The following AHDC1 variants were observed in gnomAD, a reference collection of about 807,000 sequenced individuals.
AHDC1 encodes the protein AT-hook DNA binding motif containing 1, also known as transcription factor Gibbin.
A neutral mutation model predicts 87.9 loss-of-function variants in AHDC1; 7 were observed. That is an observed-to-expected ratio of 0.08 (90% confidence interval 0.05 to 0.15). The LOEUF is 0.15. AHDC1 is among the 10% of genes least tolerant of loss of function. AHDC1 has a pLI of 1.00. For synonymous variants in AHDC1, 1,051 were observed against 1,006.8 expected, an observed-to-expected ratio of 1.04 and a Z score of -0.83; for missense variants, 1,841 against 2,253.2, an observed-to-expected ratio of 0.82 and a Z score of 3.70.
intron 3 of AHDC1, among the ~76,000 whole-genome samples, chr1:27,578,822 G>A (rs573430071): frequency 9.3e-5 from 14 of 151,150 alleles, no homozygotes; most frequent in African/African-American, 2.4e-4. Context: ...TCAGACTCCC[G>A]AGTAGCTGGG....
At chr1:27,552,337 G>A in intron 7 of AHDC1, 148 bp from the exon 8 acceptor site, 1 of 681,190 alleles carries the variant, frequency 1.5e-6, no homozygotes, top group Non-Finnish European at 2.1e-6. Flanking sequence ...CCATCCCCTT[G>A]CTGACTCCCA....
rs767940469 is a variant in AHDC1 at position 27,551,435 on chromosome 1, T to C, written c.681A>G (p.Pro227=). Residue 227 remains proline (P), a synonymous_variant, in exon 8 of 9, where the codon CCA becomes CCG. Coordinates refer to ENST00000673934, the MANE Select transcript of AHDC1 (RefSeq NM_001371928.1). Reference sequence around the variant, plus strand: ...AATCAGTGCTGTCTGGCTCAGGCTCTGGGGGCAGACCCGTGGCCGCAGCCG... The same window carrying C: ...AATCAGTGCTGTCTGGCTCAGGCTCCGGGGGCAGACCCGTGGCCGCAGCCG... ...GATAAATGLP[P]EPEPDSTDYS... 3.1e-6 allele frequency: 5 copies of C among 1,612,942 alleles called. No homozygotes were observed. The South Asian group carries it at 5.5e-5, about 18-fold the overall frequency.
intron 3 of AHDC1, among the ~76,000 whole-genome samples, chr1:27,591,895 T>C (rs943640787): frequency 3.3e-5 from 5 of 152,158 alleles, no homozygotes; most frequent in Non-Finnish European, 5.9e-5. Context: ...AATAAGTGCT[T>C]GAACAATGGT....
Position 27,551,279 on chromosome 1 carries a change from C to G in AHDC1, c.837G>C (p.Gln279His). 5.0e-6 allele frequency: 8 copies of G among 1,610,690 alleles called. No individual in the cohort carries two copies. The highest frequency in any genetic ancestry group is 6.8e-6 in the Non-Finnish European group (8 of 1,179,410). The change falls in exon 8 of 9, where the codon CAG becomes CAC. Residue 279 changes from glutamine to histidine, a missense_variant. This residue lies in a region of AHDC1 where 370 missense variants were observed against 391.5 expected (regional missense o/e 0.95). Coordinates refer to ENST00000673934, the MANE Select transcript of AHDC1 (RefSeq NM_001371928.1). ...GTGCCTGCGGGTCCAGGAAGCGGGG[C>G]TGGGGGTCCAGGAGCTGAGGCTCCG... Reference protein sequence around the residue: ...PEPEPQLLDPQPRFLDPQALE... With the variant: ...PEPEPQLLDPHPRFLDPQALE...
chr1:27,539,517 C>A (rs1008453995), intron 8 of AHDC1, among the ~76,000 whole-genome samples: 3 of 152,016 alleles, frequency 2.0e-5, no homozygotes, highest in African/African-American at 7.3e-5. Context: ...GCAATCTTGG[C>A]TTACTGCAAC....
Position 27,551,672 on chromosome 1 carries a change from A to T in AHDC1, c.444T>A (p.Gly148=). ...CAGGCGGGCGGCTCAGTCGGAGCCC[A>T]CCACAGTCCAGGTGTACACCACTGT... ...LQHSGVHLDC[G]GLRLSRPPAP... is the part of the protein sequence containing the mutation. Residue 148 remains glycine, a synonymous_variant, in exon 8 of 9, where the codon GGT becomes GGA. Coordinates refer to ENST00000673934, the MANE Select transcript of AHDC1 (RefSeq NM_001371928.1). 3 of 1,613,658 alleles carry T rather than the reference A, an allele frequency of 1.9e-6. No homozygotes were observed. The highest frequency in any genetic ancestry group is 2.5e-6 in the Non-Finnish European group (3 of 1,179,910).
chr1:27,596,015 G>T (rs1197085063), intron 3 of AHDC1, among the ~76,000 whole-genome samples: 2 of 151,982 alleles, frequency 1.3e-5, no homozygotes, highest in African/African-American at 4.8e-5. Flanking sequence ...GTTGGGAGCT[G>T]TAACTGAGTC....
chr1:27,599,409 TG>T (rs879426951), intron 3 of AHDC1, among the ~76,000 whole-genome samples: 166 of 152,114 alleles, frequency 1.1e-3, no homozygotes, highest in Non-Finnish European at 1.4e-3. Context: ...CCCCCTCCCC[TG>T]GGGGGGCTCT....
At chr1:27,537,316 C>T (rs2018686255) in intron 8 of AHDC1, among the ~76,000 whole-genome samples, 1 of 152,146 alleles carries the variant, frequency 6.6e-6, no homozygotes, top group African/African-American at 2.4e-5. Context: ...GAGAGGCTCA[C>T]AGATAGAGGG....
Position 27,547,999 on chromosome 1 carries a change from G to C in AHDC1, c.4117C>G (p.Pro1373Ala), listed in dbSNP as rs748755041. Residue 1373 changes from proline (P) to alanine (A), a missense_variant, in exon 8 of 9, where the codon CCC (proline) becomes GCC (alanine). Pro to Ala is a conservative substitution (Grantham distance 27). Around this residue, in one of 13 missense-constraint regions of AHDC1, gnomAD observed 505 missense variants for 626.2 expected, o/e 0.81. Coordinates refer to ENST00000673934, the MANE Select transcript of AHDC1 (RefSeq NM_001371928.1). This position sits in a 1 kb window ranked among gnomAD's most constrained non-coding sequence, Gnocchi z 4.9. The stretch of plus-strand genomic sequence containing the variant: ...GGGAAATGCTTGCCATCAAGCTCGG[G>C]AGCACCCAGGCTGGGCGAGTCGCAG... Reference protein sequence around the residue: ...FHCDSPSLGAPELDGKHFPPL... With the variant: ...FHCDSPSLGAAELDGKHFPPL... 1.0e-4 allele frequency: 166 copies of C among 1,608,030 alleles called. No individual in the cohort carries two copies. Among genetic ancestry groups the C allele is most frequent in the Non-Finnish European group, 1.4e-4 (159 of 1,175,620 alleles).
At chr1:27,544,490 C>G (rs2019077095) in intron 8 of AHDC1, among the ~76,000 whole-genome samples, 1 of 152,184 alleles carries the variant, frequency 6.6e-6, no homozygotes, top group Admixed American at 6.5e-5. Context: ...CACAGGGGCT[C>G]AGGTTGGGAA....
At chr1:27,588,705 T>C (rs1341860205) in intron 3 of AHDC1, among the ~76,000 whole-genome samples, 2 of 152,072 alleles carry the variant, frequency 1.3e-5, no homozygotes, top group African/African-American at 4.8e-5. Context: ...TGAGGACGCA[T>C]GTGTGTGCTG....
At position 27,549,439 on chromosome 1, in the gene AHDC1, C is replaced by A. The variant is rs764429062; in HGVS notation, c.2677G>T (p.Ala893Ser). 9 of 1,612,902 alleles carry A rather than the reference C, an allele frequency of 5.6e-6. No homozygotes were observed. In the South Asian group the frequency reaches 9.9e-5, roughly 18 times the overall value. ...RGLATFPSRG[A>S]KASPVAVGSS... ...CCCACTGCCACTGGGCTGGCCTTGG[C>A]TCCCCGGCTAGGGAAGGTGGCCAGG... Residue 893 changes from alanine (A) to serine (S), a missense_variant, in exon 8 of 9, where the codon GCC becomes TCC. Around this residue, in one of 13 missense-constraint regions of AHDC1, gnomAD observed 378 missense variants for 399.0 expected, o/e 0.95. Transcript: ENST00000673934.
intron 3 of AHDC1, among the ~76,000 whole-genome samples, chr1:27,567,448 T>C (rs1444646499): frequency 1.3e-5 from 2 of 152,094 alleles, no homozygotes; most frequent in Non-Finnish European, 2.9e-5. Flanking sequence ...GAGATGTCAC[T>C]AATTGTCTGA....
chr1:27,574,650 A>AG (rs1177628193), intron 3 of AHDC1, among the ~76,000 whole-genome samples: 3 of 152,194 alleles, frequency 2.0e-5, no homozygotes, highest in Non-Finnish European at 2.9e-5. Flanking sequence ...GGCCACTGGC[A>AG]GGGGGAGAAG....
At chr1:27,575,690 G>T (rs1156760683) in intron 3 of AHDC1, among the ~76,000 whole-genome samples, 1 of 151,622 alleles carries the variant, frequency 6.6e-6, no homozygotes, top group Admixed American at 6.6e-5. Context: ...GCCCCCACCC[G>T]GTCCAACCCG....
At position 27,560,105 on chromosome 1, in the gene AHDC1, T is replaced by G. The variant is rs1342797272; in HGVS notation, c.-628-1222A>C. 6.6e-6 allele frequency among the ~76,000 whole-genome samples: 1 copy of G among 152,196 alleles called. No homozygotes were observed. The highest frequency in any genetic ancestry group is 6.5e-5 in the Admixed American group (1 of 15,278). On this transcript the variant is annotated intron_variant, in intron 3 of 8. Transcript: ENST00000673934. The surrounding 1 kb of genome is among the most constrained non-coding windows in gnomAD (Gnocchi z 4.1). ...TGGCTGCTGTGGTCAGCTGTGTGTGTGTATGTGTGATGCCAGCTTAAGTGT... is the reference window on the plus strand; with the variant it reads ...TGGCTGCTGTGGTCAGCTGTGTGTGGGTATGTGTGATGCCAGCTTAAGTGT...
At chr1:27,545,919 G>A (rs2019144432) in intron 8 of AHDC1, among the ~76,000 whole-genome samples, 1 of 152,186 alleles carries the variant, frequency 6.6e-6, no homozygotes, top group Non-Finnish European at 1.5e-5. Context: ...GGTCCTCCCG[G>A]AGGCCTCCGG....
At position 27,590,499 on chromosome 1, in the gene AHDC1, C is replaced by T. The variant is rs554815108; in HGVS notation, c.-629+12898G>A. 2.1e-3 allele frequency among the ~76,000 whole-genome samples: 324 copies of T among 152,262 alleles called. 4 individuals carry two copies. The highest frequency in any genetic ancestry group is 7.4e-3 in the African/African-American group (309 of 41,542). ...CCCAGCACCACCCACCCCCACCACC[C>T]CTCAGCACACACCCAGCCTGGGTTC... On this transcript the variant is annotated intron_variant, in intron 3 of 8. Coordinates refer to ENST00000673934, the MANE Select transcript of AHDC1 (RefSeq NM_001371928.1). This position sits in a 1 kb window ranked among gnomAD's most constrained non-coding sequence, Gnocchi z 5.4.
Sources: gnomAD v4.1 joint callset for allele counts (sites outside exome capture counted in the v4.1 genomes callset) on GRCh38, gnomAD v4.1.1 for gene constraint, gnomAD v4.1.1 regional missense constraint, Gnocchi (gnomAD v3.1) non-coding constraint, MANE v1.5 for transcripts, NCBI Gene and HGNC (gene_info 2026-07-23, HGNC 2026-07-21) for gene names.